The following ERC1 variants were observed in gnomAD, a reference collection of about 807,000 sequenced individuals.
ERC1 encodes RAB6 interacting protein 2.
Under a neutral mutation model 132.0 loss-of-function variants are expected in ERC1, and 56 were observed. The ratio of observed to expected loss-of-function variants is 0.42; its 90% CI spans 0.34 to 0.53. The LOEUF (loss-of-function observed/expected upper bound fraction) is 0.53, where lower values mean the gene tolerates loss of function less well. Ranked by LOEUF, ERC1 falls within the 20% of genes least tolerant of loss-of-function variation. ERC1 has a pLI of 0.03. For missense variants in ERC1, 1,202 were observed against 1,349.9 expected, an observed-to-expected ratio of 0.89 and a Z score of 1.72; for synonymous variants, 478 against 476.1, an observed-to-expected ratio of 1.00 and a Z score of -0.05.
At chr12:1,240,334 G>T (rs1263882679) in intron 13 of ERC1, among the ~76,000 whole-genome samples, 1 of 152,118 alleles carries the variant, frequency 6.6e-6, no homozygotes, top group Non-Finnish European at 1.5e-5. Context: ...TGGGGTGTAT[G>T]ATATTATCTT....
intron 2 of ERC1, among the ~76,000 whole-genome samples, chr12:1,038,527 AT>A (rs1306528238): frequency 2.0e-5 from 3 of 151,882 alleles, no homozygotes; most frequent in Non-Finnish European, 4.4e-5. Context: ...TGCCCTGCTA[AT>A]TTTTGTATTT....
chr12:1,230,854 A>G (rs570234727), intron 12 of ERC1, among the ~76,000 whole-genome samples: 2 of 152,284 alleles, frequency 1.3e-5, no homozygotes, highest in East Asian at 1.9e-4. Flanking sequence ...CTGAAAGTCT[A>G]TTGTGTCTGA....
At chr12:1,349,656 C>A (rs1010701955) in intron 15 of ERC1, among the ~76,000 whole-genome samples, 5 of 135,842 alleles carry the variant, frequency 3.7e-5, no homozygotes, top group African/African-American at 1.6e-4. Flanking sequence ...AGAGTGAGAC[C>A]GTCTAAAAAA....
intron 8 of ERC1, among the ~76,000 whole-genome samples, chr12:1,170,088 A>T (rs1475277593): frequency 6.6e-6 from 1 of 152,200 alleles, no homozygotes; most frequent in Non-Finnish European, 1.5e-5. Context: ...AAAAGAAAAA[A>T]ATCTGTGTAA....
At chr12:1,471,030 C>T (rs919262930) in intron 18 of ERC1, among the ~76,000 whole-genome samples, 2 of 151,970 alleles carry the variant, frequency 1.3e-5, no homozygotes, top group Non-Finnish European at 2.9e-5. Context: ...TTTTTAATTC[C>T]CATTTTTGTC....
At chr12:1,422,887 A>G (rs1000115583) in intron 17 of ERC1, among the ~76,000 whole-genome samples, 2 of 152,168 alleles carry the variant, frequency 1.3e-5, no homozygotes, top group South Asian at 4.1e-4. Flanking sequence ...GGGTTTTTAA[A>G]TAATAGCGAT....
intron 1 of ERC1, among the ~76,000 whole-genome samples, chr12:1,024,953 T>C (rs1966842004): frequency 6.6e-6 from 1 of 152,096 alleles, no homozygotes; most frequent in Admixed American, 6.6e-5. Context: ...CTACATTTTA[T>C]TAAGTATTAT....
intron 8 of ERC1, among the ~76,000 whole-genome samples, chr12:1,156,873 T>A (rs1483067240): frequency 6.6e-6 from 1 of 152,192 alleles, no homozygotes; most frequent in Non-Finnish European, 1.5e-5. Flanking sequence ...TGTTTGATGA[T>A]GTATTTTTTC....
intron 15 of ERC1, among the ~76,000 whole-genome samples, chr12:1,293,461 A>G (rs2079636735): frequency 9.0e-6 from 1 of 110,690 alleles, no homozygotes; most frequent in Admixed American, 8.8e-5. Context: ...TCAAACAACA[A>G]CAACAACAAC....
At position 1,491,087 on chromosome 12, in the gene ERC1, TAAAA is replaced by T. The variant is rs1438983361; in HGVS notation, c.*859_*862del. The T allele has an allele frequency of 4.3e-6, 1 of 232,590 alleles. No homozygotes were observed. Among genetic ancestry groups the T allele is most frequent in the Non-Finnish European group, 8.5e-6 (1 of 117,748 alleles). 14.4% of individuals were successfully genotyped at this position (232,590 alleles called of 1,614,324 possible). On this transcript the variant is annotated 3_prime_UTR_variant, in exon 19 of 19. Transcript: ENST00000360905. Reference sequence around the variant, plus strand: ...GCGTGACCCTGTCTCTACAAAAAATTAAAAAGAGAACATACAAAGTTGACATATG... The same window carrying T: ...GCGTGACCCTGTCTCTACAAAAAATTAGAGAACATACAAAGTTGACATATG...
intron 13 of ERC1, among the ~76,000 whole-genome samples, chr12:1,240,848 C>A (rs1315710390): frequency 1.3e-5 from 2 of 151,986 alleles, no homozygotes; most frequent in African/African-American, 4.8e-5. Flanking sequence ...ATACACTCTT[C>A]CGTATTTTGC....
intron 2 of ERC1, among the ~76,000 whole-genome samples, chr12:1,052,433 T>G (rs761968573): frequency 2.6e-5 from 4 of 152,178 alleles, no homozygotes; most frequent in African/African-American, 2.4e-5. Flanking sequence ...GCCTTTTTGG[T>G]GATAATAAAC....
intron 8 of ERC1, among the ~76,000 whole-genome samples, chr12:1,150,225 T>TC (rs574982941): frequency 1.6e-4 from 25 of 152,330 alleles, no homozygotes; most frequent in Non-Finnish European, 3.2e-4. Context: ...GTGGAAACTA[T>TC]CCATCTCATA....
chr12:1,272,315 C>T (rs2077916798), intron 14 of ERC1, among the ~76,000 whole-genome samples: 1 of 152,188 alleles, frequency 6.6e-6, no homozygotes, highest in Admixed American at 6.5e-5. Context: ...GCACTGCTCT[C>T]ACTGGTTGGC....
At chr12:1,436,453 G>A (rs1277817752) in intron 17 of ERC1, among the ~76,000 whole-genome samples, 2 of 152,114 alleles carry the variant, frequency 1.3e-5, no homozygotes, top group Admixed American at 6.5e-5. Context: ...AGGTCAGGAG[G>A]TCCCTTTTGT....
chr12:1,385,202 T>C (rs1191319058), intron 16 of ERC1, among the ~76,000 whole-genome samples: 1 of 152,264 alleles, frequency 6.6e-6, no homozygotes, highest in Non-Finnish European at 1.5e-5. Context: ...CATTTCTTAA[T>C]TTCAATTTCT....
intron 7 of ERC1, among the ~76,000 whole-genome samples, chr12:1,138,383 T>A: frequency 6.9e-6 from 1 of 144,842 alleles, no homozygotes. Flanking sequence ...GTATATAATA[T>A]GTAATACATA....
At chr12:1,015,351 G>C (rs188905853) in intron 1 of ERC1, among the ~76,000 whole-genome samples, 1 of 152,090 alleles carries the variant, frequency 6.6e-6, no homozygotes, top group Admixed American at 6.6e-5. Flanking sequence ...GAGCCACCAT[G>C]CCTGGCCATT....
chr12:1,123,322 A>C (rs958588109), intron 7 of ERC1, among the ~76,000 whole-genome samples: 9 of 152,166 alleles, frequency 5.9e-5, no homozygotes, highest in Non-Finnish European at 1.3e-4. Flanking sequence ...GGGGAGAGAA[A>C]GAAATGTGAT....
Sources: gnomAD v4.1 joint callset for allele counts (sites outside exome capture counted in the v4.1 genomes callset) on GRCh38, gnomAD v4.1.1 for gene constraint, MANE v1.5 for transcripts, NCBI Gene and HGNC (gene_info 2026-07-23, HGNC 2026-07-21) for gene names.